MAPRE2: variants seen among roughly 807,000 people sequenced by gnomAD.
MAPRE2 encodes microtubule-associated protein RP/EB family member 2.
MAPRE2 carries 13 observed loss-of-function variants against 43.2 expected under a neutral mutation model. That is an observed-to-expected ratio of 0.30 (90% confidence interval 0.20 to 0.48). The LOEUF is 0.48. Among genes scored for constraint, MAPRE2 ranks in the 20% least tolerant of loss-of-function variants. The pLI is 0.99. For missense variants in MAPRE2, 161 were observed against 400.2 expected, an observed-to-expected ratio of 0.40 and a Z score of 5.10; for synonymous variants, 135 against 148.8, an observed-to-expected ratio of 0.91 and a Z score of 0.68.
chr18:34,996,079 A>G (rs2097026364), intron 1 of MAPRE2, among the ~76,000 whole-genome samples: 2 of 152,198 alleles, frequency 1.3e-5, no homozygotes, highest in Admixed American at 1.3e-4. Flanking sequence ...TCAGAATGAG[A>G]AAAACAAATG....
rs58171272 is a variant in MAPRE2, at chr18:35,057,507, C to CGTGTGTGTGTGTGTGTGTGTGT, written c.123-12685_123-12664dup. ...AGAGAGATACTGCAAGGAGTGTGTG[C>CGTGTGTGTGTGTGTGTGTGTGT]GTGTGTGTGTGTGTGTGTGTGTGTA... On this transcript the variant is annotated intron_variant, in intron 1 of 6. Transcript: ENST00000300249. 0.013 allele frequency among the ~76,000 whole-genome samples: 1,976 copies of CGTGTGTGTGTGTGTGTGTGTGT among 149,482 alleles called. 68 individuals are homozygous for CGTGTGTGTGTGTGTGTGTGTGT. The East Asian group carries it at 0.14, about 11-fold the overall frequency.
At chr18:35,051,304 C>A (rs768122896) in intron 1 of MAPRE2, among the ~76,000 whole-genome samples, 3 of 152,118 alleles carry the variant, frequency 2.0e-5, no homozygotes, top group Non-Finnish European at 4.4e-5. Flanking sequence ...GAAACAGGAC[C>A]AACAAGTCTC....
chr18:35,056,571 A>G (rs1190997546), intron 1 of MAPRE2, among the ~76,000 whole-genome samples: 2 of 152,202 alleles, frequency 1.3e-5, no homozygotes, highest in African/African-American at 4.8e-5. Flanking sequence ...AAATTTTTAA[A>G]TTTCATCTGT....
At chr18:35,095,404 A>ACACACACACG (rs1908369718) in intron 2 of MAPRE2, among the ~76,000 whole-genome samples, 2 of 147,198 alleles carry the variant, frequency 1.4e-5, no homozygotes, top group Non-Finnish European at 3.0e-5. Flanking sequence ...ACACACACGC[A>ACACACACACG]CACACACACT....
At chr18:35,024,747 T>C (rs1469401785) in intron 2 of MAPRE2, among the ~76,000 whole-genome samples, 2 of 152,168 alleles carry the variant, frequency 1.3e-5, no homozygotes, top group Non-Finnish European at 2.9e-5. Flanking sequence ...TCATAGACAA[T>C]GTTAAGGATG....
intron 1 of MAPRE2, among the ~76,000 whole-genome samples, chr18:34,977,270 G>T (rs1178255324): frequency 6.6e-6 from 1 of 152,172 alleles, no homozygotes; most frequent in Non-Finnish European, 1.5e-5. Context: ...TCGGCTAGGC[G>T]GTCTCCGGGT....
chr18:35,078,614 C>G (rs930740403), intron 2 of MAPRE2, among the ~76,000 whole-genome samples: 2 of 152,168 alleles, frequency 1.3e-5, no homozygotes, highest in African/African-American at 2.4e-5. Flanking sequence ...CCAGTACTCT[C>G]ATTGCTGTAT....
intron 1 of MAPRE2, among the ~76,000 whole-genome samples, chr18:35,063,551 G>A (rs1906667756): frequency 1.3e-5 from 2 of 151,884 alleles, no homozygotes; most frequent in African/African-American, 4.8e-5. Flanking sequence ...CAGCCTCCAA[G>A]TGGGTTTGGT....
chr18:35,042,141 CAG>C (rs1905400498), intron 1 of MAPRE2, among the ~76,000 whole-genome samples: 2 of 152,140 alleles, frequency 1.3e-5, no homozygotes, highest in Admixed American at 6.5e-5. Flanking sequence ...GTTAAACCGC[CAG>C]ATTGATGGAG....
At chr18:34,979,899 C>T (rs1457487759) in intron 1 of MAPRE2, among the ~76,000 whole-genome samples, 1 of 152,108 alleles carries the variant, frequency 6.6e-6, no homozygotes, top group Non-Finnish European at 1.5e-5. Context: ...AAAAAACAAA[C>T]TTTCTTTTTC....
intron 2 of MAPRE2, among the ~76,000 whole-genome samples, chr18:35,014,571 A>C (rs2097036947): frequency 6.6e-6 from 1 of 152,014 alleles, no homozygotes; most frequent in Admixed American, 6.6e-5. Flanking sequence ...GTAAGAGCCA[A>C]ATGACTGGGT....
intron 2 of MAPRE2, among the ~76,000 whole-genome samples, chr18:35,006,504 C>A (rs1329553487): frequency 6.6e-6 from 1 of 152,166 alleles, no homozygotes; most frequent in Non-Finnish European, 1.5e-5. Context: ...TTTGGGGCCT[C>A]ATTGTAATAA....
chr18:35,030,133 C>T (rs1378308077), intron 2 of MAPRE2, among the ~76,000 whole-genome samples: 1 of 152,158 alleles, frequency 6.6e-6, no homozygotes, highest in Non-Finnish European at 1.5e-5. Context: ...CTCCTTCCCC[C>T]TCCCTTTTTC....
At chr18:35,069,534 G>C (rs959368880) in intron 1 of MAPRE2, among the ~76,000 whole-genome samples, 5 of 152,034 alleles carry the variant, frequency 3.3e-5, no homozygotes, top group African/African-American at 1.2e-4. Flanking sequence ...AAACAAGATG[G>C]TCAAGTATTG....
At chr18:34,991,171 T>C (rs1449696448) in intron 1 of MAPRE2, among the ~76,000 whole-genome samples, 1 of 152,146 alleles carries the variant, frequency 6.6e-6, no homozygotes, top group African/African-American at 2.4e-5. Context: ...GTCCACCTCC[T>C]CCTGCCTCTT....
chr18:35,138,883 G>T (rs765535592), intron 6 of MAPRE2, among the ~76,000 whole-genome samples: 31 of 152,108 alleles, frequency 2.0e-4, no homozygotes, highest in Admixed American at 5.2e-4. Flanking sequence ...AAAATAAGTG[G>T]CTCGTGACCT....
At chr18:34,986,793 G>A (rs757182356) in intron 1 of MAPRE2, among the ~76,000 whole-genome samples, 1 of 152,138 alleles carries the variant, frequency 6.6e-6, no homozygotes, top group Non-Finnish European at 1.5e-5. Flanking sequence ...TAAAATGCAG[G>A]ATAACCAGTT....
intron 1 of MAPRE2, among the ~76,000 whole-genome samples, chr18:34,995,103 A>G (rs141160022): frequency 6.6e-6 from 1 of 152,216 alleles, no homozygotes; most frequent in Non-Finnish European, 1.5e-5. Flanking sequence ...GACTCCTGAT[A>G]TTCTAGCATC....
chr18:35,004,903 G>A (rs112673427), intron 1 of MAPRE2, among the ~76,000 whole-genome samples: 2,098 of 149,394 alleles, frequency 0.014, 23 homozygotes, highest in Non-Finnish European at 0.023. Flanking sequence ...GGGCGACAGA[G>A]CGAGACTCCA....
Sources: gnomAD v4.1 joint callset for allele counts (sites outside exome capture counted in the v4.1 genomes callset) on GRCh38, gnomAD v4.1.1 for gene constraint, MANE v1.5 for transcripts, NCBI Gene and HGNC (gene_info 2026-07-23, HGNC 2026-07-21) for gene names.